Variants in CFI observed in about 807,000 individuals in gnomAD.
The protein encoded by CFI is C3B/C4B inactivator.
In CFI, 66 loss-of-function variants were observed where a neutral mutation model predicts 78.8. The ratio of observed to expected loss-of-function variants is 0.84; its 90% CI spans 0.69 to 1.03. The LOEUF (loss-of-function observed/expected upper bound fraction) is 1.03. Ranked by LOEUF, CFI falls within the 50% of genes least tolerant of loss-of-function variation. The pLI, the probability that CFI is intolerant of heterozygous loss-of-function variation, is 0.00. For missense variants in CFI, 706 were observed against 704.5 expected, an observed-to-expected ratio of 1.00 and a Z score of -0.02; for synonymous variants, 250 against 232.6, an observed-to-expected ratio of 1.07 and a Z score of -0.68.
At chr4:109,782,310 C>A (rs545064200) in intron 1 of CFI, among the ~76,000 whole-genome samples, 4 of 151,436 alleles carry the variant, frequency 2.6e-5, no homozygotes, top group African/African-American at 9.7e-5. Flanking sequence ...AGAACTGATA[C>A]AAGAATTTAG....
chr4:109,799,441 C>T (rs1401510611), intron 1 of CFI, among the ~76,000 whole-genome samples: 1 of 152,186 alleles, frequency 6.6e-6, no homozygotes, highest in Non-Finnish European at 1.5e-5. Context: ...CCGGGTCCCT[C>T]CCTGAGTGAG....
chr4:109,755,155 G>A (rs1380378278), intron 7 of CFI, among the ~76,000 whole-genome samples: 1 of 152,158 alleles, frequency 6.6e-6, no homozygotes, highest in Non-Finnish European at 1.5e-5. Context: ...AGAAAAGGAA[G>A]ATGAAACTAA....
intron 9 of CFI, 37 bp downstream of exon 9, chr4:109,749,462 C>T (rs1561288474): frequency 6.4e-7 from 1 of 1,553,542 alleles, no homozygotes; most frequent in Non-Finnish European, 8.9e-7. Context: ...TAGGCTGTTT[C>T]TGGGCAGTTG....
At chr4:109,747,150 C>T (rs113367829) in intron 10 of CFI, among the ~76,000 whole-genome samples, 2,764 of 152,184 alleles carry the variant, frequency 0.018, 39 homozygotes, top group Middle Eastern at 0.041. Flanking sequence ...TATTCTTATG[C>T]TTCACTACAT....
At chr4:109,735,594 G>A in the CFI span, among the ~76,000 whole-genome samples, 1 of 152,172 alleles carries the variant, frequency 6.6e-6, no homozygotes. Flanking sequence ...TAAAAGCCAC[G>A]TGGTGAAAAC....
Position 109,766,631 on chromosome 4 carries a change from G to T in CFI, c.251C>A (p.Thr84Lys), listed in dbSNP as rs1456422204. 3 of 1,614,072 alleles carry T rather than the reference G, an allele frequency of 1.9e-6. No homozygotes were observed. In the African/African-American group the frequency reaches 4.0e-5, roughly 22 times the overall value. ...TTCCAAACTCTTTTGTTGACAGTAT[G>T]TTGGGAAGCTTCTCCTGTTAGTTGC... ...VCATNRRSFP[T>K]YCQQKSLECL... Residue 84 changes from threonine to lysine, a missense_variant, in exon 2 of 13, where the codon ACA becomes AAA. Transcript: ENST00000394634.
chr4:109,741,499 A>ATAATG, intron 12 of CFI: 1 of 279,428 alleles, frequency 3.6e-6, no homozygotes, highest in Non-Finnish European at 5.4e-6. Flanking sequence ...CTATGAGGCA[A>ATAATG]ATATCATTAT....
At chr4:109,780,022 G>A (rs562159965) in intron 1 of CFI, among the ~76,000 whole-genome samples, 215 of 152,132 alleles carry the variant, frequency 1.4e-3, no homozygotes, top group African/African-American at 4.9e-3. Context: ...TTAAATGTTA[G>A]ACCTAAAACC....
At position 109,751,799 on chromosome 4, in the gene CFI, CA is replaced by C. The variant is rs1337530119; in HGVS notation, c.940+668del. On this transcript the variant is annotated intron_variant, in intron 8 of 12. Transcript: ENST00000394634. ...ATTGTTACTTAATTTTGGTTACTGA[CA>C]ATTAGAAAGAAGTCTACATGAACTT... is the stretch of plus-strand genomic sequence containing the variant. Among the ~76,000 whole-genome samples the C allele has an allele frequency of 2.6e-5, 4 of 152,104 alleles. No individual in the cohort carries two copies. The East Asian group carries it at 7.7e-4, about 29-fold the overall frequency.
chr4:109,740,381 T>G (rs572442316), downstream of CFI, among the ~76,000 whole-genome samples: 4 of 151,290 alleles, frequency 2.6e-5, no homozygotes, highest in South Asian at 8.4e-4. Context: ...AGAGAAAAGA[T>G]GAGAAAGAAA....
chr4:109,756,961 G>T (rs55803848), intron 7 of CFI, among the ~76,000 whole-genome samples: 134 of 133,200 alleles, frequency 1.0e-3, no homozygotes, highest in African/African-American at 3.3e-3. Flanking sequence ...AAGAAAGAAA[G>T]AAAGAAAGAA....
chr4:109,777,976 T>C (rs1195206963), intron 1 of CFI, among the ~76,000 whole-genome samples: 13 of 152,026 alleles, frequency 8.6e-5, no homozygotes, highest in Non-Finnish European at 1.6e-4. Context: ...GGGACACATT[T>C]AAAGCAGTGT....
At chr4:109,757,816 G>A (rs774860384) in intron 6 of CFI, 33 bp from the exon 7 acceptor site, 1 of 1,311,244 alleles carries the variant, frequency 7.6e-7, no homozygotes, top group Non-Finnish European at 1.0e-6. Context: ...ATTTATCAAA[G>A]GATAATTTTT....
Position 109,760,367 on chromosome 4 carries a change from T to A in CFI, c.786A>T (p.Lys262Asn). Residue 262 changes from lysine (K) to asparagine (N), a missense_variant, in exon 6 of 13, where the codon AAA becomes AAT. Coordinates refer to ENST00000394634, the MANE Select transcript of CFI (RefSeq NM_000204.5). ...AAACACCCGATTTGCAATGGAAGCC[T>A]TTGCCTTGGCATGCTGTGCAAACAT... The part of the protein sequence containing the change: ...DELCCKACQG[K>N]GFHCKSGVCI... 1 of 1,613,122 alleles carries A rather than the reference T, an allele frequency of 6.2e-7. No individual in the cohort carries two copies. The highest frequency in any genetic ancestry group is 8.5e-7 in the Non-Finnish European group (1 of 1,179,042).
chr4:109,773,424 G>A (rs559616284), intron 1 of CFI, among the ~76,000 whole-genome samples: 3 of 152,278 alleles, frequency 2.0e-5, no homozygotes, highest in Non-Finnish European at 4.4e-5. Context: ...GCTGAGGCAG[G>A]AGAATCGCTT....
intron 12 of CFI, 142 bp from the exon 13 acceptor site, chr4:109,741,252 G>T: frequency 2.7e-6 from 4 of 1,496,672 alleles, no homozygotes; most frequent in Non-Finnish European, 3.5e-6. Flanking sequence ...AGAGTCCCTG[G>T]CTGGGCTTGC....
At chr4:109,763,227 A>T (rs192768907) in intron 3 of CFI, among the ~76,000 whole-genome samples, 10 of 152,260 alleles carry the variant, frequency 6.6e-5, no homozygotes, top group Admixed American at 4.6e-4. Flanking sequence ...GTGGAACTAA[A>T]TATTAGAAAC....
Position 109,740,823 on chromosome 4 carries a change from A to G in CFI, c.*70T>C. ...TTTCCCCCCTAGAGAATTATTAATT[A>G]TACCGTTTTATTTCCATTAAATGGA... On this transcript the variant is annotated 3_prime_UTR_variant, in exon 13 of 13. Coordinates refer to ENST00000394634, the MANE Select transcript of CFI (RefSeq NM_000204.5). 7.2e-7 allele frequency: 1 copy of G among 1,384,248 alleles called. No individual in the cohort carries two copies. The highest frequency in any genetic ancestry group is 1.0e-6 in the Non-Finnish European group (1 of 974,662). The allele number at this position is 1,384,248 out of a possible 1,614,324, so 85.7% of individuals were successfully genotyped here.
intron 1 of CFI, among the ~76,000 whole-genome samples, chr4:109,790,179 A>C (rs1472842415): frequency 1.3e-5 from 2 of 151,914 alleles, no homozygotes; most frequent in Non-Finnish European, 2.9e-5. Flanking sequence ...TTCTGATTTT[A>C]GGTATTTGTA....
Sources: allele counts gnomAD v4.1 joint callset (sites outside exome capture counted in the v4.1 genomes callset), GRCh38; gene constraint gnomAD v4.1.1; transcripts MANE v1.5; gene names NCBI Gene and HGNC (gene_info 2026-07-23, HGNC 2026-07-21).